Variants in B3GAT1 observed in about 807,000 individuals in gnomAD.
The protein encoded by B3GAT1 is beta-1,3-glucuronyltransferase 1.
B3GAT1 carries 11 observed loss-of-function variants against 28.4 expected under a neutral mutation model. The observed-to-expected ratio is 0.39, with a 90% CI of 0.24 to 0.64. B3GAT1 has a LOEUF of 0.64. Ranked by LOEUF, B3GAT1 falls within the 30% of genes least tolerant of loss-of-function variation. The pLI is 0.50. For synonymous variants in B3GAT1, 255 were observed against 223.1 expected (o/e 1.14, Z -1.27); for missense variants, 375 against 491.0 (o/e 0.76, Z 2.23).
At chr11:134,401,811 G>A (rs926227998) in intron 1 of B3GAT1, among the ~76,000 whole-genome samples, 1 of 152,148 alleles carries the variant, frequency 6.6e-6, no homozygotes, top group African/African-American at 2.4e-5. Context: ...AGAGGAAGGA[G>A]GCACCTTGGC....
intron 1 of B3GAT1, chr11:134,388,609 C>T (rs1005433059): frequency 9.8e-5 from 15 of 152,476 alleles, no homozygotes; most frequent in African/African-American, 3.6e-4. Flanking sequence ...GTTTTTCAGC[C>T]GTTCTTCCTT....
At chr11:134,395,883 T>G (rs374096931) in intron 1 of B3GAT1, among the ~76,000 whole-genome samples, 1 of 152,172 alleles carries the variant, frequency 6.6e-6, no homozygotes, top group Non-Finnish European at 1.5e-5. Flanking sequence ...CTGCGAAGTA[T>G]TGGCAGGGCT....
chr11:134,388,701 A>G (rs913200474), intron 1 of B3GAT1: 9 of 152,162 alleles, frequency 5.9e-5, no homozygotes, highest in Non-Finnish European at 1.5e-5. Flanking sequence ...GTGAGAATGC[A>G]TCGTGTTTGG....
At position 134,387,183 on chromosome 11, in the gene B3GAT1, A is replaced by T. The variant is rs576298571; in HGVS notation, c.112+365T>A. On this transcript the variant is annotated intron_variant, in intron 2 of 5. Transcript: ENST00000312527. ...CCACTTTCCTTCCTACCAAAACCAC[A>T]CTAAAGACTCCCACTCCCTCCACTT... is the stretch of plus-strand genomic sequence containing the variant. 1.7e-5 allele frequency: 4 copies of T among 235,972 alleles called. No individual in the cohort carries two copies. In the East Asian group the frequency reaches 2.8e-4, roughly 16 times the overall value. 14.6% of individuals were successfully genotyped at this position (235,972 alleles called of 1,614,324 possible).
chr11:134,386,212 G>C (rs1054072166), intron 2 of B3GAT1: 1 of 152,206 alleles, frequency 6.6e-6, no homozygotes, highest in Non-Finnish European at 1.5e-5. Context: ...GCAGGACTTG[G>C]TATTTGACTG....
chr11:134,407,282 T>C (rs887418930), intron 1 of B3GAT1, among the ~76,000 whole-genome samples: 3 of 152,212 alleles, frequency 2.0e-5, no homozygotes, highest in Middle Eastern at 3.2e-3. Context: ...GGAAGCAAGA[T>C]GGGCAGAGGG....
At chr11:134,387,240 C>G (rs564497451) in intron 2 of B3GAT1, 1 of 342,370 alleles carries the variant, frequency 2.9e-6, no homozygotes, top group Non-Finnish European at 5.4e-6. Flanking sequence ...TTCCCACCTC[C>G]GACCTCAGCA....
Position 134,411,177 on chromosome 11 carries a change from T to C in B3GAT1, c.-282+630A>G, listed in dbSNP as rs554948523. Among the ~76,000 whole-genome samples, 6 of 152,288 alleles carry C rather than the reference T, an allele frequency of 3.9e-5. No individual in the cohort carries two copies. Among genetic ancestry groups the C allele is most frequent in the African/African-American group, 1.2e-4 (5 of 41,570 alleles). On this transcript the variant is annotated intron_variant, in intron 1 of 5. Transcript: ENST00000312527. This position sits in a 1 kb window ranked among gnomAD's most constrained non-coding sequence, Gnocchi z 6.0. The stretch of plus-strand genomic sequence containing the variant: ...CTCAGCCTCCTTTTTCTGGAAGTTG[T>C]GTGCTCTGACTTTGGAGGGATTGGG...
At position 134,384,022 on chromosome 11, in the gene B3GAT1, G is replaced by C; in HGVS notation, c.279C>G (p.Tyr93Ter). ...LPTIHVVTPTYSRPVQKAELT... is the reference protein window; with the variant it reads ...LPTIHVVTPT ...GCTCGGCCTTCTGCACCGGGCGGCT[G>C]TAGGTGGGCGTCACCACGTGGATGG... The change falls in exon 3 of 6, where the codon TAC becomes TAG. Residue 93 changes from tyrosine (Y) to a stop codon, truncating the protein, a stop_gained. Coordinates refer to ENST00000312527, the MANE Select transcript of B3GAT1 (RefSeq NM_054025.3). LOFTEE classifies it high-confidence loss of function. 6.2e-7 allele frequency: 1 copy of C among 1,605,658 alleles called. No individual in the cohort carries two copies.
intron 1 of B3GAT1, chr11:134,388,260 T>G (rs1591638079): frequency 4.3e-6 from 1 of 230,136 alleles, no homozygotes; most frequent in Non-Finnish European, 9.0e-6. Flanking sequence ...TCATTTCCGT[T>G]CTCCATGCCA....
Position 134,411,293 on chromosome 11 carries a change from T to C in B3GAT1, c.-282+514A>G, listed in dbSNP as rs529090039. 2.1e-4 allele frequency among the ~76,000 whole-genome samples: 32 copies of C among 152,174 alleles called. No homozygotes were observed. Among genetic ancestry groups the C allele is most frequent in the South Asian group, 1.0e-3 (5 of 4,828 alleles). ...CTACACCGAAGGTCCCAAGGGCCCT[T>C]TGCCACCCTTGCTACCCCTGGGTCC... On this transcript the variant is annotated intron_variant, in intron 1 of 5. Transcript: ENST00000312527. This position sits in a 1 kb window ranked among gnomAD's most constrained non-coding sequence, Gnocchi z 6.0.
At chr11:134,401,797 GGGCAGAGGAAGGA>G (rs918532105) in intron 1 of B3GAT1, among the ~76,000 whole-genome samples, 8 of 152,132 alleles carry the variant, frequency 5.3e-5, no homozygotes, top group Non-Finnish European at 1.2e-4. Flanking sequence ...GGGAGAGGAA[GGGCAGAGGAAGGA>G]GGCACCTTGG....
At chr11:134,392,140 A>T (rs1944422425) in intron 1 of B3GAT1, 1 of 152,198 alleles carries the variant, frequency 6.6e-6, no homozygotes, top group African/African-American at 2.4e-5. Context: ...AGTGTAGCTC[A>T]GTGGGCACCT....
rs1555098477 is a variant in B3GAT1, at chr11:134,404,027, A to ATATATATATATT, written c.-282+7779_-282+7780insAATATATATATA. Among the ~76,000 whole-genome samples the ATATATATATATT allele has an allele frequency of 1.1e-4, 12 of 106,754 alleles. 1 individual carries two copies. The highest frequency in any genetic ancestry group is 3.2e-4 in the South Asian group (1 of 3,086). 70.0% of individuals were successfully genotyped at this position (106,754 alleles called of 152,430 possible). A position where few individuals can be genotyped will look rare whatever the true frequency, so the allele number is the denominator to read the frequency against. ...TATATATATATATATATATATATAT[A>ATATATATATATT]TATTTATTATACGTTAAGTTCTAGG... On this transcript the variant is annotated intron_variant, in intron 1 of 5. Transcript: ENST00000312527.
intron 1 of B3GAT1, among the ~76,000 whole-genome samples, chr11:134,401,364 C>T (rs1478358697): frequency 1.3e-5 from 2 of 152,176 alleles, no homozygotes; most frequent in Non-Finnish European, 2.9e-5. Flanking sequence ...ATGACGAAGA[C>T]GTGGTACACA....
intron 1 of B3GAT1, among the ~76,000 whole-genome samples, chr11:134,402,029 G>T (rs1944627001): frequency 6.6e-6 from 1 of 151,800 alleles, no homozygotes; most frequent in Admixed American, 6.6e-5. Context: ...ACCTGGCGCT[G>T]TGGCCCTGGC....
chr11:134,382,547 C>G (rs1454318618), intron 4 of B3GAT1, among the ~76,000 whole-genome samples, 163 bp downstream of exon 4: 1 of 152,216 alleles, frequency 6.6e-6, no homozygotes, highest in Non-Finnish European at 1.5e-5. Flanking sequence ...CCTGCCTGTC[C>G]GCAGTGTCGC....
At chr11:134,403,631 G>A (rs1383157042) in intron 1 of B3GAT1, among the ~76,000 whole-genome samples, 1 of 152,154 alleles carries the variant, frequency 6.6e-6, no homozygotes, top group East Asian at 1.9e-4. Flanking sequence ...AAGGGCAAGT[G>A]GGGAGAATTG....
chr11:134,405,265 C>T (rs566996437), intron 1 of B3GAT1, among the ~76,000 whole-genome samples: 9 of 152,260 alleles, frequency 5.9e-5, no homozygotes, highest in South Asian at 4.1e-4. Flanking sequence ...CTTCGGAAGA[C>T]GCCCCCAAGG....
Sources: allele counts gnomAD v4.1 joint callset (sites outside exome capture counted in the v4.1 genomes callset), GRCh38; gene constraint gnomAD v4.1.1; non-coding constraint Gnocchi (gnomAD v3.1); transcripts MANE v1.5; gene names NCBI Gene and HGNC (gene_info 2026-07-23, HGNC 2026-07-21).